ARHGEF11: variants seen among roughly 807,000 people sequenced by gnomAD.
ARHGEF11 encodes Rho guanine exchange factor (GEF) 11.
Under a neutral mutation model 193.7 loss-of-function variants are expected in ARHGEF11, and 55 were observed. The observed-to-expected ratio is 0.28, with a 90% confidence interval of 0.23 to 0.36. The LOEUF (loss-of-function observed/expected upper bound fraction) is 0.36. ARHGEF11 is among the 10% of genes least tolerant of loss of function. The pLI is 1.00. For missense variants in ARHGEF11, 1,723 were observed against 2,005.6 expected, an observed-to-expected ratio of 0.86 and a Z score of 2.69; for synonymous variants, 693 against 768.0, an observed-to-expected ratio of 0.90 and a Z score of 1.62.
chr1:156,965,012 C>T (rs1661501021), intron 11 of ARHGEF11, among the ~76,000 whole-genome samples: 1 of 152,104 alleles, frequency 6.6e-6, no homozygotes, highest in African/African-American at 2.4e-5. Flanking sequence ...AATGACATAA[C>T]AGAAAGTGAG....
Position 156,951,814 on chromosome 1 carries a change from A to G in ARHGEF11, c.1799-115T>C, listed in dbSNP as rs1037904234. On this transcript the variant is annotated intron_variant, in intron 21 of 40. Transcript: ENST00000368194. ...GCAATGAGCAAGCGTGGATGAGAAC[A>G]GCACTGGACCAAGAGTCAGGAGATG... 2.2e-6 allele frequency: 3 copies of G among 1,345,754 alleles called. No individual in the cohort carries two copies. In the African/African-American group the frequency reaches 4.3e-5, roughly 19 times the overall value. 83.4% of individuals were successfully genotyped at this position (1,345,754 alleles called of 1,614,324 possible).
chr1:156,944,919 G>T, intron 30 of ARHGEF11, 100 bp downstream of exon 30: 1 of 1,454,244 alleles, frequency 6.9e-7, no homozygotes, highest in Non-Finnish European at 9.2e-7. Context: ...TCTGGTCTCT[G>T]TCTCCTACCT....
At position 156,955,776 on chromosome 1, in the gene ARHGEF11, C is replaced by T; in HGVS notation, c.1695G>A (p.Lys565=). The T allele has an allele frequency of 1.2e-6, 2 of 1,614,112 alleles. No homozygotes were observed. Among genetic ancestry groups the T allele is most frequent in the Middle Eastern group, 1.7e-4 (1 of 6,034 alleles). The change falls in exon 20 of 41, where the codon AAG becomes AAA. Residue 565 remains lysine (K), a synonymous_variant. Coordinates refer to ENST00000368194, the MANE Select transcript of ARHGEF11 (RefSeq NM_198236.3). ...TTCGCTTCTTGTCCTCCAAGGCATCCTTTTCTTTCTTGGAATTGCTGCTCT... is the reference window on the plus strand; with the variant it reads ...TTCGCTTCTTGTCCTCCAAGGCATCTTTTTCTTTCTTGGAATTGCTGCTCT... ...TKKSSNSKKE[K]DALEDKKRNP... is the part of the protein sequence containing the mutation.
intron 34 of ARHGEF11, 125 bp from the exon 35 acceptor site, chr1:156,941,558 T>C: frequency 9.0e-7 from 1 of 1,110,146 alleles, no homozygotes; most frequent in Non-Finnish European, 1.3e-6. Flanking sequence ...GCTGGTCTGC[T>C]TGGCAACCCA....
chr1:156,948,198 A>G lies in ARHGEF11; in HGVS notation c.2136T>C (p.Thr712=). 1 of 1,573,660 alleles carries G rather than the reference A, an allele frequency of 6.4e-7. No individual in the cohort carries two copies. Among genetic ancestry groups the G allele is most frequent in the Non-Finnish European group, 8.6e-7 (1 of 1,157,958 alleles). Residue 712 remains threonine, a synonymous_variant, in exon 24 of 41, where the codon ACT becomes ACC. Transcript: ENST00000368194. The surrounding 1 kb of genome is among the most constrained non-coding windows in gnomAD (Gnocchi z 4.2). ...TCACTTACCTGCGGCCCATTTTGGGAGTGAATGGAGGGGTTGGGTTCTCAA... is the reference window on the plus strand; with the variant it reads ...TCACTTACCTGCGGCCCATTTTGGGGGTGAATGGAGGGGTTGGGTTCTCAA... The part of the protein sequence containing the change: ...RSLENPTPPF[T]PKMGRRSIES...
intron 2 of ARHGEF11, 63 bp from the exon 3 acceptor site, chr1:156,984,500 A>C: frequency 8.0e-7 from 1 of 1,249,912 alleles, no homozygotes; most frequent in East Asian, 2.6e-5. Flanking sequence ...ACACATGCCA[A>C]GACCAACCCA....
At chr1:156,944,928 C>A (rs1202847049) in intron 30 of ARHGEF11, 91 bp downstream of exon 30, 5 of 1,496,806 alleles carry the variant, frequency 3.3e-6, no homozygotes, top group African/African-American at 1.4e-5. Flanking sequence ...TGTCTCCTAC[C>A]TCTAAGACTC....
At chr1:156,979,056 T>C (rs573777460) in intron 5 of ARHGEF11, among the ~76,000 whole-genome samples, 173 bp downstream of exon 5, 2 of 152,236 alleles carry the variant, frequency 1.3e-5, no homozygotes, top group African/African-American at 4.8e-5. Flanking sequence ...TAATAGGGAA[T>C]TGTGGCCACT....
chr1:156,963,356 G>C (rs377012119), intron 12 of ARHGEF11, 52 bp from the exon 13 acceptor site: 2 of 1,553,044 alleles, frequency 1.3e-6, no homozygotes, highest in Admixed American at 3.4e-5. Flanking sequence ...GCAGCACAGC[G>C]GGTTCCAGCT....
intron 1 of ARHGEF11, among the ~76,000 whole-genome samples, chr1:157,002,093 A>G (rs888731298): frequency 1.3e-5 from 2 of 152,192 alleles, no homozygotes; most frequent in South Asian, 4.1e-4. Context: ...AGATGAATGA[A>G]CCATGTGGTC....
At chr1:156,966,855 T>G (rs1192743914) in intron 11 of ARHGEF11, among the ~76,000 whole-genome samples, 3 of 152,214 alleles carry the variant, frequency 2.0e-5, no homozygotes, top group Non-Finnish European at 4.4e-5. Context: ...TGTTTTAAAT[T>G]TTATCTCTAC....
At position 156,979,305 on chromosome 1, in the gene ARHGEF11, G is replaced by A. The variant is rs1217007706; in HGVS notation, c.274-19C>T. The stretch of plus-strand genomic sequence containing the variant: ...CGTTGACCTGTTGGAGGGACAAACA[G>A]TATTGAGTAATGGTAATGAACAGCT... On this transcript the variant is annotated intron_variant, in intron 4 of 40. Transcript: ENST00000368194. 3 of 1,591,514 alleles carry A rather than the reference G, an allele frequency of 1.9e-6. No individual in the cohort carries two copies. The Admixed American group carries it at 5.1e-5, about 27-fold the overall frequency.
intron 22 of ARHGEF11, 135 bp downstream of exon 22, chr1:156,951,438 T>G (rs1571211251): frequency 8.5e-7 from 1 of 1,171,504 alleles, no homozygotes. Context: ...ATACTGGGGG[T>G]GGGGAGGAAG....
At position 156,979,151 on chromosome 1, in the gene ARHGEF11, C is replaced by T; in HGVS notation, c.331+78G>A. 2.2e-6 allele frequency: 3 copies of T among 1,386,832 alleles called. 1 individual carries two copies. Among genetic ancestry groups the T allele is most frequent in the Middle Eastern group, 4.1e-4 (2 of 4,860 alleles). 85.9% of individuals were successfully genotyped at this position (1,386,832 alleles called of 1,614,324 possible). ...AAAGGAAACCTCCTGGAATGCCAGG[C>T]CTGACCTTTCCTCCCTCCTTTCCTC... On this transcript the variant is annotated intron_variant, in intron 5 of 40. Transcript: ENST00000368194.
chr1:156,940,682 G>A (rs943604850), intron 35 of ARHGEF11, among the ~76,000 whole-genome samples: 4 of 152,198 alleles, frequency 2.6e-5, no homozygotes, highest in African/African-American at 9.7e-5. Context: ...CAATTATGTA[G>A]TTTGTTAGAA....
chr1:156,944,832 C>T (rs563988478), intron 30 of ARHGEF11, among the ~76,000 whole-genome samples, 187 bp downstream of exon 30: 28 of 152,314 alleles, frequency 1.8e-4, no homozygotes, highest in Middle Eastern at 3.4e-3. Flanking sequence ...TTAGGTGGGG[C>T]GGCCTGCCTT....
intron 7 of ARHGEF11, among the ~76,000 whole-genome samples, chr1:156,972,412 T>C (rs1227830564): frequency 6.6e-6 from 1 of 152,176 alleles, no homozygotes; most frequent in African/African-American, 2.4e-5. Flanking sequence ...ACATCCTCAT[T>C]GATAAAATGG....
Position 156,971,801 on chromosome 1 carries a change from A to G in ARHGEF11, c.598T>C (p.Tyr200His), listed in dbSNP as rs1571306680. ...AGTAGGCTGGCGGGGTTCCGGCTAT[A>G]GACCTCACAGATACGCTAGGGATGG... The part of the protein sequence containing the change: ...EKELQRICEV[Y>H]SRNPASLLEE... Residue 200 changes from tyrosine (Y) to histidine (H), a missense_variant, in exon 8 of 41, where the codon TAT (tyrosine) becomes CAT (histidine). Physicochemically the swap from Tyr to His is moderately conservative, Grantham distance 83. Around this residue, in one of 5 missense-constraint regions of ARHGEF11, gnomAD observed 646 missense variants for 710.7 expected, o/e 0.91. Transcript: ENST00000368194. 2 of 1,613,574 alleles carry G rather than the reference A, an allele frequency of 1.2e-6. No individual in the cohort carries two copies. The highest frequency in any genetic ancestry group is 1.7e-6 in the Non-Finnish European group (2 of 1,179,938).
chr1:157,020,239 A>T (rs1027858246), intron 1 of ARHGEF11, among the ~76,000 whole-genome samples: 1 of 152,212 alleles, frequency 6.6e-6, no homozygotes, highest in Non-Finnish European at 1.5e-5. Context: ...ACAGATGTAC[A>T]TGTATGTCAA....
Sources: gnomAD v4.1 joint callset for allele counts (sites outside exome capture counted in the v4.1 genomes callset) on GRCh38, gnomAD v4.1.1 for gene constraint, gnomAD v4.1.1 regional missense constraint, Gnocchi (gnomAD v3.1) non-coding constraint, MANE v1.5 for transcripts, NCBI Gene and HGNC (gene_info 2026-07-23, HGNC 2026-07-21) for gene names.